The following WWOX variants were observed in gnomAD, a reference collection of about 807,000 sequenced individuals.
The protein encoded by WWOX is WW domain-containing oxidoreductase.
WWOX carries 69 observed loss-of-function variants against 46.2 expected under a neutral mutation model. The ratio of observed to expected loss-of-function variants is 1.49; its 90% CI spans 1.23 to 1.82. The LOEUF (loss-of-function observed/expected upper bound fraction) is 1.82. Among genes scored for constraint, WWOX ranks in the 40% most tolerant of loss-of-function variants. WWOX has a pLI of 0.00. For synonymous variants in WWOX, 359 were observed against 202.6 expected, an observed-to-expected ratio of 1.77 and a Z score of -6.56; for missense variants, 919 against 542.6, an observed-to-expected ratio of 1.69 and a Z score of -6.89.
rs1407309589 is a variant in WWOX at position 78,769,527 on chromosome 16, C to T, written c.1056+336775C>T. Among the ~76,000 whole-genome samples the T allele has an allele frequency of 2.5e-4, 35 of 140,258 alleles. 1 individual carries two copies. Among genetic ancestry groups the T allele is most frequent in the South Asian group, 7.4e-4 (3 of 4,050 alleles). The allele number at this position is 140,258 out of a possible 152,430, so 92.0% of individuals were successfully genotyped here. ...AATGTAATCCCTCCCACCCACCCCC[C>T]ACATTATTTATTTATTTATTTATTT... On this transcript the variant is annotated intron_variant, in intron 8 of 8. Transcript: ENST00000566780.
chr16:79,207,508 A>G (rs1286198761), intron 8 of WWOX, among the ~76,000 whole-genome samples: 1 of 152,230 alleles, frequency 6.6e-6, no homozygotes, highest in African/African-American at 2.4e-5. Flanking sequence ...GCATAAGTGG[A>G]TTAATTCAGC....
Position 78,913,490 on chromosome 16 carries a change from G to T in WWOX, c.1057-298118G>T, listed in dbSNP as rs557477393. Among the ~76,000 whole-genome samples, 6 of 151,958 alleles carry T rather than the reference G, an allele frequency of 3.9e-5. No homozygotes were observed. In the East Asian group the frequency reaches 9.7e-4, roughly 25 times the overall value. On this transcript the variant is annotated intron_variant, in intron 8 of 8. Coordinates refer to ENST00000566780, the MANE Select transcript of WWOX (RefSeq NM_016373.4). ...GATGTGAACAAGCATGATGATGTTG[G>T]AAGCCATACACAAGCTGGATAGAGC...
intron 8 of WWOX, among the ~76,000 whole-genome samples, chr16:78,945,975 C>T (rs1275504655): frequency 1.3e-5 from 2 of 152,110 alleles, no homozygotes; most frequent in Non-Finnish European, 2.9e-5. Flanking sequence ...AATCACCTGT[C>T]CTGCCTTCCT....
chr16:78,596,503 C>G (rs1266109389), intron 8 of WWOX, among the ~76,000 whole-genome samples: 1 of 151,624 alleles, frequency 6.6e-6, no homozygotes, highest in African/African-American at 2.4e-5. Context: ...AGGTGACTTC[C>G]AAGATTGAGG....
chr16:78,804,405 G>A (rs2050974250), intron 8 of WWOX, among the ~76,000 whole-genome samples: 1 of 150,804 alleles, frequency 6.6e-6, no homozygotes, highest in East Asian at 1.9e-4. Flanking sequence ...GAAAAAAGGC[G>A]CTCAGCCAAA....
chr16:78,982,185 C>G (rs1374879441), intron 8 of WWOX, among the ~76,000 whole-genome samples: 6 of 152,166 alleles, frequency 3.9e-5, no homozygotes, highest in African/African-American at 1.4e-4. Flanking sequence ...CCCAAACAGC[C>G]TCTTTCGTGC....
intron 8 of WWOX, among the ~76,000 whole-genome samples, chr16:79,155,077 G>A (rs2050354447): frequency 6.6e-6 from 1 of 152,178 alleles, no homozygotes; most frequent in African/African-American, 2.4e-5. Flanking sequence ...GCACTGGCAA[G>A]CTTTTGCTTA....
chr16:78,706,890 T>C (rs1453050737), intron 8 of WWOX, among the ~76,000 whole-genome samples: 1 of 152,188 alleles, frequency 6.6e-6, no homozygotes, highest in Non-Finnish European at 1.5e-5. Context: ...CTTGACCTTC[T>C]GGGCCCAAGC....
intron 8 of WWOX, among the ~76,000 whole-genome samples, chr16:78,673,526 T>C (rs77392973): frequency 3.9e-5 from 6 of 152,138 alleles, no homozygotes; most frequent in East Asian, 1.9e-4. Flanking sequence ...AAGCCTTGCA[T>C]ACTTGATTGG....
At chr16:78,466,975 C>T (rs373131994) in intron 8 of WWOX, among the ~76,000 whole-genome samples, 19 of 152,148 alleles carry the variant, frequency 1.2e-4, no homozygotes, top group African/African-American at 4.6e-4. Flanking sequence ...GAGAGGGACA[C>T]CGATCCCTAC....
At chr16:78,184,396 A>G (rs1314817584) in intron 5 of WWOX, among the ~76,000 whole-genome samples, 2 of 152,038 alleles carry the variant, frequency 1.3e-5, no homozygotes, top group African/African-American at 4.8e-5. Context: ...GCTCACATTC[A>G]CCTTTGCCAG....
chr16:78,538,214 A>G (rs1485494925), intron 8 of WWOX, among the ~76,000 whole-genome samples: 1 of 105,860 alleles, frequency 9.4e-6, no homozygotes, highest in Admixed American at 1.3e-4. Flanking sequence ...GCTATCACTC[A>G]CACCAAAAAA....
At chr16:79,098,084 T>C (rs2049113647) in intron 8 of WWOX, among the ~76,000 whole-genome samples, 1 of 152,114 alleles carries the variant, frequency 6.6e-6, no homozygotes, top group Non-Finnish European at 1.5e-5. Context: ...GTACATCAAG[T>C]TTTTGAGCTG....
intron 8 of WWOX, among the ~76,000 whole-genome samples, chr16:79,173,809 G>A (rs968506032): frequency 1.3e-5 from 2 of 151,620 alleles, no homozygotes; most frequent in Non-Finnish European, 2.9e-5. Context: ...ATGACAAAGT[G>A]GGGTTCAAAA....
chr16:78,519,184 G>A (rs369558324), intron 8 of WWOX, among the ~76,000 whole-genome samples: 14 of 152,220 alleles, frequency 9.2e-5, no homozygotes, highest in Admixed American at 6.5e-4. Flanking sequence ...TCTCTAAAAC[G>A]AGGCTCTTGA....
chr16:79,103,271 T>G (rs1326646827), intron 8 of WWOX, among the ~76,000 whole-genome samples: 3 of 152,218 alleles, frequency 2.0e-5, no homozygotes, highest in Admixed American at 2.0e-4. Context: ...AGGCATCTAT[T>G]AATTTATGTA....
At chr16:78,663,433 C>G (rs1265116613) in intron 8 of WWOX, among the ~76,000 whole-genome samples, 1 of 152,170 alleles carries the variant, frequency 6.6e-6, no homozygotes, top group Non-Finnish European at 1.5e-5. Context: ...CAGTTCATGT[C>G]ATTCCCACTT....
At chr16:78,773,331 C>T (rs1296659968) in intron 8 of WWOX, among the ~76,000 whole-genome samples, 1 of 152,130 alleles carries the variant, frequency 6.6e-6, no homozygotes, top group Non-Finnish European at 1.5e-5. Context: ...ACTCCCTATC[C>T]CTAAGGTTTC....
chr16:78,856,895 A>G (rs1051437562), intron 8 of WWOX, among the ~76,000 whole-genome samples: 4 of 152,200 alleles, frequency 2.6e-5, no homozygotes, highest in African/African-American at 9.6e-5. Flanking sequence ...ATACAATCCT[A>G]GATGGTATAA....
Sources: gnomAD v4.1 joint callset for allele counts (sites outside exome capture counted in the v4.1 genomes callset) on GRCh38, gnomAD v4.1.1 for gene constraint, MANE v1.5 for transcripts, NCBI Gene and HGNC (gene_info 2026-07-23, HGNC 2026-07-21) for gene names.